The following SP140L variants were observed in gnomAD, a reference collection of about 807,000 sequenced individuals.
SP140L encodes the protein SP140 like nuclear body protein.
A neutral mutation model predicts 84.3 loss-of-function variants in SP140L; 64 were observed. That is an observed-to-expected ratio of 0.76 (90% CI 0.62 to 0.94). SP140L has a LOEUF of 0.94. Among genes scored for constraint, SP140L ranks in the 40% least tolerant of loss-of-function variants. SP140L has a pLI of 0.00. For missense variants in SP140L, 628 were observed against 692.5 expected, an observed-to-expected ratio of 0.91 and a Z score of 1.05; for synonymous variants, 242 against 236.9, an observed-to-expected ratio of 1.02 and a Z score of -0.20.
In SP140L at chr2:230,359,238, A is replaced by C. The variant is rs959380191; in HGVS notation, c.439+106A>C. 4 of 990,470 alleles carry C rather than the reference A, an allele frequency of 4.0e-6. No individual in the cohort carries two copies. In the Admixed American group the frequency reaches 9.7e-5, roughly 24 times the overall value. 61.4% of individuals were successfully genotyped at this position (990,470 alleles called of 1,614,324 possible). Reference sequence around the variant, plus strand: ...CGATACATTGTGTTGGGCAGTGGGCATAGAGTAGTTAACAAAATAGACGTG... The same window carrying C: ...CGATACATTGTGTTGGGCAGTGGGCCTAGAGTAGTTAACAAAATAGACGTG... On this transcript the variant is annotated intron_variant, in intron 4 of 18. Coordinates refer to ENST00000415673, the MANE Select transcript of SP140L (RefSeq NM_138402.6).
intron 15 of SP140L, 194 bp from the exon 16 acceptor site, chr2:230,400,761 C>T: frequency 7.6e-7 from 1 of 1,308,760 alleles, no homozygotes; most frequent in Non-Finnish European, 1.1e-6. Context: ...TTCCCTCCTG[C>T]TGCTACCACT....
Position 230,385,331 on chromosome 2 carries a change from A to C in SP140L, c.784+27A>C, listed in dbSNP as rs374323175. The C allele has an allele frequency of 1.9e-6, 3 of 1,607,018 alleles. No individual in the cohort carries two copies. In the African/African-American group the frequency reaches 4.0e-5, roughly 22 times the overall value. On this transcript the variant is annotated intron_variant, in intron 9 of 18. Coordinates refer to ENST00000415673, the MANE Select transcript of SP140L (RefSeq NM_138402.6). ...TAAGATAAAGTTGGTACCACTTTTC[A>C]TTTGCCCTGCAGGTCAATGCACATG...
intron 2 of SP140L, 36 bp downstream of exon 2, chr2:230,328,867 T>C (rs1383116953): frequency 6.3e-7 from 1 of 1,594,302 alleles, no homozygotes; most frequent in South Asian, 1.1e-5. Flanking sequence ...AATTTGTATT[T>C]TCCTGATAAT....
intron 13 of SP140L, among the ~76,000 whole-genome samples, chr2:230,393,669 C>A (rs550034159): frequency 6.6e-4 from 101 of 152,254 alleles, no homozygotes; most frequent in African/African-American, 2.4e-3. Flanking sequence ...TTGGATTAAA[C>A]CGTATCAGAT....
intron 14 of SP140L, among the ~76,000 whole-genome samples, chr2:230,399,590 C>T (rs191887221): frequency 6.6e-6 from 1 of 152,202 alleles, no homozygotes; most frequent in Non-Finnish European, 1.5e-5. Flanking sequence ...GTCCTTCCCC[C>T]TCAAAGGTAG....
intron 7 of SP140L, 126 bp downstream of exon 7, chr2:230,371,777 C>A: frequency 1.1e-6 from 1 of 897,384 alleles, no homozygotes; most frequent in Non-Finnish European, 1.7e-6. Flanking sequence ...AGAATGATGG[C>A]CACCCCAAAA....
intron 11 of SP140L, chr2:230,391,601 T>C (rs2061807526): frequency 6.5e-6 from 1 of 154,632 alleles, no homozygotes; most frequent in Non-Finnish European, 1.4e-5. Flanking sequence ...TAAAACTGAA[T>C]GAAAAATGTT....
intron 7 of SP140L, among the ~76,000 whole-genome samples, chr2:230,382,678 C>A (rs916373604): frequency 1.3e-4 from 20 of 151,126 alleles, no homozygotes; most frequent in Non-Finnish European, 2.5e-4. Context: ...CTAGGAATGA[C>A]CAGGGTCACA....
chr2:230,345,004 G>A (rs2060167697), intron 2 of SP140L, among the ~76,000 whole-genome samples: 2 of 152,138 alleles, frequency 1.3e-5, no homozygotes, highest in Admixed American at 1.3e-4. Flanking sequence ...TTCTGTATAT[G>A]TCTTTTAGGT....
chr2:230,342,359 G>T (rs868718110), intron 2 of SP140L, among the ~76,000 whole-genome samples: 2 of 152,180 alleles, frequency 1.3e-5, no homozygotes, highest in Non-Finnish European at 2.9e-5. Flanking sequence ...GCTCGCGCAC[G>T]GTGCGTGCAC....
At chr2:230,327,931 G>T (rs2059623550) in intron 1 of SP140L, among the ~76,000 whole-genome samples, 1 of 152,208 alleles carries the variant, frequency 6.6e-6, no homozygotes, top group African/African-American at 2.4e-5. Flanking sequence ...ATGGCAGAAA[G>T]CTAAATATTT....
intron 4 of SP140L, 71 bp downstream of exon 4, chr2:230,359,203 C>T: frequency 1.5e-6 from 2 of 1,343,044 alleles, no homozygotes; most frequent in Non-Finnish European, 2.1e-6. Flanking sequence ...GTTTGAGCTC[C>T]TACCATGTGC....
At chr2:230,351,773 A>G (rs2060371430) in intron 2 of SP140L, among the ~76,000 whole-genome samples, 1 of 152,056 alleles carries the variant, frequency 6.6e-6, no homozygotes, top group Admixed American at 6.6e-5. Context: ...CAGCCACTCA[A>G]GTAGTTAGAT....
At chr2:230,366,010 C>T (rs550687250) in intron 5 of SP140L, among the ~76,000 whole-genome samples, 23 of 152,134 alleles carry the variant, frequency 1.5e-4, no homozygotes, top group Admixed American at 2.6e-4. Flanking sequence ...TTTCAACCTT[C>T]GTGACTTTAA....
intron 2 of SP140L, among the ~76,000 whole-genome samples, chr2:230,345,380 A>G (rs2149703190): frequency 6.6e-6 from 1 of 152,258 alleles, no homozygotes; most frequent in Non-Finnish European, 1.5e-5. Flanking sequence ...CCTTCAGCCT[A>G]CATGTGTTCT....
intron 7 of SP140L, among the ~76,000 whole-genome samples, chr2:230,382,453 A>T (rs1484285918): frequency 1.3e-5 from 2 of 152,074 alleles, no homozygotes; most frequent in Non-Finnish European, 2.9e-5. Flanking sequence ...CTCTTGCTTC[A>T]CTGCTGCAAA....
At chr2:230,357,623 G>A (rs2060587485) in intron 2 of SP140L, among the ~76,000 whole-genome samples, 182 bp from the exon 3 acceptor site, 1 of 152,094 alleles carries the variant, frequency 6.6e-6, no homozygotes, top group African/African-American at 2.4e-5. Flanking sequence ...TAGGCTCCAT[G>A]ATATCTTCTA....
chr2:230,401,301 T>C (rs1291623617), intron 16 of SP140L, 65 bp from the exon 17 acceptor site: 1 of 1,611,242 alleles, frequency 6.2e-7, no homozygotes, highest in African/African-American at 1.4e-5. Flanking sequence ...TCGTGTGCTG[T>C]GTCTCATGCA....
At chr2:230,400,317 TG>T in intron 15 of SP140L, 75 bp downstream of exon 15, 4 of 1,394,870 alleles carry the variant, frequency 2.9e-6, no homozygotes, top group African/African-American at 1.4e-5. Context: ...TCCAGCAGAA[TG>T]TCTGCTTGTG....
Sources: allele counts gnomAD v4.1 joint callset (sites outside exome capture counted in the v4.1 genomes callset), GRCh38; gene constraint gnomAD v4.1.1; transcripts MANE v1.5; gene names NCBI Gene and HGNC (gene_info 2026-07-23, HGNC 2026-07-21).